Variants in SLC5A9 observed in about 807,000 individuals in gnomAD.
SLC5A9 encodes sodium/glucose cotransporter 4.
SLC5A9 carries 59 observed loss-of-function variants against 70.9 expected under a neutral mutation model. The observed-to-expected ratio is 0.83, with a 90% confidence interval of 0.68 to 1.03. The LOEUF is 1.03. Among genes scored for constraint, SLC5A9 ranks in the 50% least tolerant of loss-of-function variants. The probability of loss-of-function intolerance (pLI) is 0.00; values close to 1 mark genes in which losing one functional copy is unlikely to be tolerated. For missense variants in SLC5A9, 832 were observed against 881.1 expected, an observed-to-expected ratio of 0.94 and a Z score of 0.71; for synonymous variants, 340 against 346.5, an observed-to-expected ratio of 0.98 and a Z score of 0.21.
intron 2 of SLC5A9, among the ~76,000 whole-genome samples, chr1:48,227,162 TCAGA>T (rs1227058205): frequency 1.5e-5 from 2 of 129,544 alleles, no homozygotes; most frequent in East Asian, 2.4e-4. Flanking sequence ...AGTGTGTGTG[TCAGA>T]GTGTGTGTGC....
chr1:48,232,335 T>C, intron 7 of SLC5A9, 32 bp from the exon 8 acceptor site: 1 of 1,611,760 alleles, frequency 6.2e-7, no homozygotes, highest in South Asian at 1.1e-5. Flanking sequence ...CTCCTCTACC[T>C]GCGCTGCACT....
chr1:48,239,494 T>C lies in SLC5A9; in HGVS notation c.1634T>C (p.Ile545Thr). 5 of 1,614,188 alleles carry C rather than the reference T, an allele frequency of 3.1e-6. No homozygotes were observed. Among genetic ancestry groups the C allele is most frequent in the Non-Finnish European group, 4.2e-6 (5 of 1,180,022 alleles). Residue 545 changes from isoleucine to threonine, a missense_variant, in exon 12 of 14, where the codon ATT becomes ACT. Coordinates refer to ENST00000438567, the MANE Select transcript of SLC5A9 (RefSeq NM_001011547.3). The surrounding 1 kb of genome is among the most constrained non-coding windows in gnomAD (Gnocchi z 4.2). The stretch of plus-strand genomic sequence containing the variant: ...CTCTGCGGGCTCACTGCCATCGTCA[T>C]TGTCATTGTCAGCCTCTGTACAACT... ...ILLCGLTAIV[I>T]VIVSLCTTPI...
chr1:48,245,397 G>A (rs113924765), intron 13 of SLC5A9, among the ~76,000 whole-genome samples: 6 of 152,234 alleles, frequency 3.9e-5, no homozygotes, highest in African/African-American at 1.2e-4. Flanking sequence ...GAGAAGCCAA[G>A]AGAAATGCCT....
intron 13 of SLC5A9, among the ~76,000 whole-genome samples, chr1:48,242,989 TGGC>T (rs74494791): frequency 0.42 from 64,006 of 151,556 alleles, 14,368 homozygotes; most frequent in Middle Eastern, 0.56. Flanking sequence ...AAGAAGGGCA[TGGC>T]TGAGCTAAGC....
rs1234781311 is a variant in SLC5A9, at chr1:48,232,347, C to A, written c.898-20C>A. On this transcript the variant is annotated intron_variant, in intron 7 of 13. Transcript: ENST00000438567. ...CCTCTCCTCTACCTGCGCTGCACTC[C>A]TCATTTGCTGCCCTTTCAGGTCATT... The A allele has an allele frequency of 6.2e-7, 1 of 1,613,628 alleles. No homozygotes were observed.
chr1:48,244,941 A>C, intron 13 of SLC5A9, among the ~76,000 whole-genome samples: 1 of 119,680 alleles, frequency 8.4e-6, no homozygotes, highest in East Asian at 2.8e-4. Context: ...TGCCAAGGGA[A>C]TCAAAAGACA....
chr1:48,232,786 T>C (rs996601674), intron 8 of SLC5A9, among the ~76,000 whole-genome samples: 13 of 132,898 alleles, frequency 9.8e-5, no homozygotes, highest in African/African-American at 3.4e-4. Flanking sequence ...AGAAACCCTA[T>C]TGAAAAGAAA....
At chr1:48,244,868 A>C (rs7413495) in intron 13 of SLC5A9, among the ~76,000 whole-genome samples, 1 of 22,272 alleles carries the variant, frequency 4.5e-5, no homozygotes, top group African/African-American at 2.0e-4. Flanking sequence ...GTGTGTATGT[A>C]TGTGTATGTG....
Position 48,248,556 on chromosome 1 carries a change from AG to A in SLC5A9, c.*1018del, listed in dbSNP as rs1425932540. The A allele has an allele frequency of 1.3e-5, 2 of 152,406 alleles. No individual in the cohort carries two copies. The highest frequency in any genetic ancestry group is 2.9e-5 in the Non-Finnish European group (2 of 68,190). The allele number at this position is 152,406 out of a possible 1,614,324, so 9.4% of individuals were successfully genotyped here. On this transcript the variant is annotated 3_prime_UTR_variant, in exon 14 of 14. Transcript: ENST00000438567. The stretch of plus-strand genomic sequence containing the variant: ...TGATCACACTGAGATGGAAGACTCC[AG>A]GGGGCAAGGACCAAGGGCCATATCC...
Position 48,239,304 on chromosome 1 carries a change from G to C in SLC5A9, c.1462-18G>C. The C allele has an allele frequency of 6.3e-7, 1 of 1,589,746 alleles. No homozygotes were observed. Among genetic ancestry groups the C allele is most frequent in the Non-Finnish European group, 8.6e-7 (1 of 1,162,814 alleles). On this transcript the variant is annotated intron_variant, in intron 11 of 13. Coordinates refer to ENST00000438567, the MANE Select transcript of SLC5A9 (RefSeq NM_001011547.3). The surrounding 1 kb of genome is among the most constrained non-coding windows in gnomAD (Gnocchi z 4.2). ...CCACCTGGATCTCACCTCAGCTCTT[G>C]TCTGCCCTCTCTCACAGGGAGCTTT...
chr1:48,239,220 G>T lies in SLC5A9; in HGVS notation c.1462-102G>T. 2.4e-6 allele frequency: 2 copies of T among 843,054 alleles called. No individual in the cohort carries two copies. The highest frequency in any genetic ancestry group is 3.8e-6 in the Non-Finnish European group (2 of 525,870). 52.2% of individuals were successfully genotyped at this position (843,054 alleles called of 1,614,324 possible). A position where few individuals can be genotyped will look rare whatever the true frequency, so the allele number is the denominator to read the frequency against. On this transcript the variant is annotated intron_variant, in intron 11 of 13. Coordinates refer to ENST00000438567, the MANE Select transcript of SLC5A9 (RefSeq NM_001011547.3). The surrounding 1 kb of genome is among the most constrained non-coding windows in gnomAD (Gnocchi z 4.2). ...TTAGTAGATGGATTTGCCCAACATGGCAATAAACCAGTGGGAGAGAGATTT... is the reference window on the plus strand; with the variant it reads ...TTAGTAGATGGATTTGCCCAACATGTCAATAAACCAGTGGGAGAGAGATTT...
At chr1:48,231,478 C>G in intron 5 of SLC5A9, 67 bp from the exon 6 acceptor site, 1 of 1,592,944 alleles carries the variant, frequency 6.3e-7, no homozygotes, top group Non-Finnish European at 8.6e-7. Flanking sequence ...TGGCCATGCA[C>G]AGGGCAGGCA....
At position 48,232,483 on chromosome 1, in the gene SLC5A9, C is replaced by T. The variant is rs1323310121; in HGVS notation, c.1014C>T (p.Ile338=). ...PMFFIVMPGM[I]SRALFPDEVG... ...TCTTCATCGTCATGCCTGGCATGAT[C>T]AGCCGGGCCCTGTTCCCAGGTAAGA... Residue 338 remains isoleucine (I), a synonymous_variant, in exon 8 of 14, where the codon ATC becomes ATT. Coordinates refer to ENST00000438567, the MANE Select transcript of SLC5A9 (RefSeq NM_001011547.3). 4 of 1,614,198 alleles carry T rather than the reference C, an allele frequency of 2.5e-6. No homozygotes were observed. The highest frequency in any genetic ancestry group is 1.3e-5 in the African/African-American group (1 of 75,046).
chr1:48,227,270 AGAGT>A (rs1324390035), intron 2 of SLC5A9, among the ~76,000 whole-genome samples: 2 of 54,116 alleles, frequency 3.7e-5, no homozygotes, highest in South Asian at 5.8e-4. Context: ...CATGTGTGTC[AGAGT>A]GTGTGTGTGT....
intron 4 of SLC5A9, chr1:48,229,686 C>T: frequency 1.7e-6 from 1 of 582,466 alleles, no homozygotes; most frequent in Non-Finnish European, 2.9e-6. Context: ...TCAAATAAAT[C>T]ACAATCCAGA....
chr1:48,235,401 A>G (rs1644312289), intron 9 of SLC5A9, among the ~76,000 whole-genome samples: 1 of 152,192 alleles, frequency 6.6e-6, no homozygotes. Flanking sequence ...TGAGATGTCG[A>G]AGCTTCAGAG....
At chr1:48,226,581 C>T (rs1388000059) in intron 2 of SLC5A9, among the ~76,000 whole-genome samples, 1 of 152,106 alleles carries the variant, frequency 6.6e-6, no homozygotes, top group Non-Finnish European at 1.5e-5. Flanking sequence ...CTCAGTCCCA[C>T]CAGCACTGCT....
chr1:48,230,320 C>A (rs903193446), intron 4 of SLC5A9, among the ~76,000 whole-genome samples: 1 of 152,234 alleles, frequency 6.6e-6, no homozygotes, highest in East Asian at 1.9e-4. Context: ...CCTTCCACTT[C>A]ATTCCTCACC....
rs890450955 is a variant in SLC5A9 at position 48,224,929 on chromosome 1, G to A, written c.234+134G>A. ...CTCCCCGTTGTGTTTCCTGACTCTG[G>A]GCCCCTTCTCTCCCGCCCAAACCCG... On this transcript the variant is annotated intron_variant, in intron 2 of 13. Transcript: ENST00000438567. 1.7e-5 allele frequency: 15 copies of A among 900,582 alleles called. No individual in the cohort carries two copies. The East Asian group carries it at 3.3e-4, about 20-fold the overall frequency. The allele number at this position is 900,582 out of a possible 1,614,324, so 55.8% of individuals were successfully genotyped here. A position where few individuals can be genotyped will look rare whatever the true frequency, so the allele number is the denominator to read the frequency against.
Sources: allele counts gnomAD v4.1 joint callset (sites outside exome capture counted in the v4.1 genomes callset), GRCh38; gene constraint gnomAD v4.1.1; non-coding constraint Gnocchi (gnomAD v3.1); transcripts MANE v1.5; gene names NCBI Gene and HGNC (gene_info 2026-07-23, HGNC 2026-07-21).